CSMD1: variants seen among roughly 807,000 people sequenced by gnomAD.
CSMD1 encodes CUB and sushi domain-containing protein 1.
CSMD1 carries 213 observed loss-of-function variants against 417.5 expected under a neutral mutation model. The ratio of observed to expected loss-of-function variants is 0.51; its 90% CI spans 0.46 to 0.57. The LOEUF (loss-of-function observed/expected upper bound fraction) is 0.57. Among genes scored for constraint, CSMD1 ranks in the 20% least tolerant of loss-of-function variants. The pLI, the probability that CSMD1 is intolerant of heterozygous loss-of-function variation, is 0.00. For synonymous variants in CSMD1, 2,862 were observed against 1,736.8 expected (o/e 1.65, Z -16.11); for missense variants, 6,923 against 4,529.7 (o/e 1.53, Z -15.17).
chr8:3,900,702 C>G (rs1807689755), intron 5 of CSMD1, among the ~76,000 whole-genome samples: 3 of 151,978 alleles, frequency 2.0e-5, no homozygotes, highest in Admixed American at 1.3e-4. Context: ...GGCCCTGAAG[C>G]TGGATGACTG....
intron 49 of CSMD1, among the ~76,000 whole-genome samples, chr8:3,070,657 T>C (rs1410454006): frequency 6.6e-6 from 1 of 152,236 alleles, no homozygotes; most frequent in African/African-American, 2.4e-5. Flanking sequence ...TCATTGTTTA[T>C]ATCACCATTA....
At chr8:3,655,356 G>C (rs889345933) in intron 7 of CSMD1, among the ~76,000 whole-genome samples, 5 of 152,128 alleles carry the variant, frequency 3.3e-5, no homozygotes, top group Non-Finnish European at 7.3e-5. Context: ...TCCCTACAGC[G>C]AATTTGGCAG....
chr8:4,056,078 C>CTTTTTTTTTTTTTT (rs58415435), intron 3 of CSMD1, among the ~76,000 whole-genome samples: 1 of 97,842 alleles, frequency 1.0e-5, no homozygotes, highest in African/African-American at 3.9e-5. Flanking sequence ...TGGTGGCTTC[C>CTTTTTTTTTTTTTT]TTTTTTTTTT....
chr8:4,203,512 T>C (rs1215770173), intron 3 of CSMD1, among the ~76,000 whole-genome samples: 4 of 152,188 alleles, frequency 2.6e-5, no homozygotes, highest in African/African-American at 4.8e-5. Context: ...AACGGAAGAC[T>C]TTCTGTGAAT....
intron 1 of CSMD1, among the ~76,000 whole-genome samples, chr8:4,760,139 A>C (rs1201301468): frequency 6.6e-6 from 1 of 152,230 alleles, no homozygotes; most frequent in Non-Finnish European, 1.5e-5. Context: ...TTAATGGCTC[A>C]CACAGGATGT....
At chr8:4,130,301 G>A (rs903998277) in intron 3 of CSMD1, among the ~76,000 whole-genome samples, 3 of 152,026 alleles carry the variant, frequency 2.0e-5, no homozygotes, top group Non-Finnish European at 4.4e-5. Context: ...CTTTATTCTG[G>A]TATAATCCCC....
At chr8:4,466,830 G>C (rs1239757695) in intron 2 of CSMD1, among the ~76,000 whole-genome samples, 1 of 152,070 alleles carries the variant, frequency 6.6e-6, no homozygotes, top group Non-Finnish European at 1.5e-5. Flanking sequence ...TTTAAATTCA[G>C]AGAGCAGGGG....
chr8:3,547,748 A>C (rs1798736044), intron 10 of CSMD1, among the ~76,000 whole-genome samples: 1 of 152,210 alleles, frequency 6.6e-6, no homozygotes, highest in African/African-American at 2.4e-5. Context: ...TGAGCTAGTT[A>C]TCTAATAGAA....
chr8:4,712,927 C>T (rs527386006), intron 1 of CSMD1, among the ~76,000 whole-genome samples: 1 of 152,092 alleles, frequency 6.6e-6, no homozygotes, highest in Non-Finnish European at 1.5e-5. Flanking sequence ...GATTGACATA[C>T]AAGTCTCGCA....
chr8:4,501,438 A>T (rs533081182), intron 2 of CSMD1, among the ~76,000 whole-genome samples: 1 of 152,276 alleles, frequency 6.6e-6, no homozygotes, highest in South Asian at 2.1e-4. Context: ...GAAGAAGTCG[A>T]GGTGGATATT....
At chr8:3,634,428 C>A (rs141916578) in intron 7 of CSMD1, among the ~76,000 whole-genome samples, 1 of 152,174 alleles carries the variant, frequency 6.6e-6, no homozygotes, top group East Asian at 1.9e-4. Context: ...TGCGTGGGGT[C>A]ACACGTCATT....
At chr8:4,123,066 T>C (rs1585363398) in intron 3 of CSMD1, among the ~76,000 whole-genome samples, 2 of 152,338 alleles carry the variant, frequency 1.3e-5, no homozygotes, top group African/African-American at 2.4e-5. Context: ...TTAAAAGCTT[T>C]GATGCTTTCA....
intron 5 of CSMD1, among the ~76,000 whole-genome samples, chr8:3,939,094 T>A (rs1810699805): frequency 6.6e-6 from 1 of 152,124 alleles, no homozygotes; most frequent in Admixed American, 6.6e-5. Flanking sequence ...CTAAGATGCA[T>A]AAATTGTTGA....
At chr8:3,800,220 T>C (rs1455245104) in intron 5 of CSMD1, among the ~76,000 whole-genome samples, 5 of 152,130 alleles carry the variant, frequency 3.3e-5, no homozygotes, top group Non-Finnish European at 7.4e-5. Context: ...AACAAACTTA[T>C]TGATGATGAT....
intron 9 of CSMD1, among the ~76,000 whole-genome samples, chr8:3,585,800 C>G (rs980658273): frequency 6.6e-6 from 1 of 152,116 alleles, no homozygotes; most frequent in African/African-American, 2.4e-5. Flanking sequence ...GCGGGGTGCA[C>G]AGAAACCTTT....
At chr8:4,173,096 G>T (rs1382811166) in intron 3 of CSMD1, among the ~76,000 whole-genome samples, 2 of 152,148 alleles carry the variant, frequency 1.3e-5, no homozygotes, top group Non-Finnish European at 2.9e-5. Flanking sequence ...GGGAAAGGTT[G>T]TATGAACCAC....
chr8:4,822,355 A>G (rs1799570954), intron 1 of CSMD1, among the ~76,000 whole-genome samples: 1 of 152,142 alleles, frequency 6.6e-6, no homozygotes, highest in Non-Finnish European at 1.5e-5. Flanking sequence ...TAGAGAGGAC[A>G]AAAATGTGTT....
intron 7 of CSMD1, among the ~76,000 whole-genome samples, chr8:3,689,229 C>G (rs770177693): frequency 2.0e-5 from 3 of 152,188 alleles, no homozygotes; most frequent in Admixed American, 6.5e-5. Context: ...CACCTTCTAA[C>G]TTATCCACAG....
At chr8:3,099,165 A>T (rs1225464248) in intron 46 of CSMD1, among the ~76,000 whole-genome samples, 1 of 152,240 alleles carries the variant, frequency 6.6e-6, no homozygotes, top group East Asian at 1.9e-4. Context: ...GACTTCACTC[A>T]TCAGACCTTA....
Sources: gnomAD v4.1 joint callset for allele counts (sites outside exome capture counted in the v4.1 genomes callset) on GRCh38, gnomAD v4.1.1 for gene constraint, MANE v1.5 for transcripts, NCBI Gene and HGNC (gene_info 2026-07-23, HGNC 2026-07-21) for gene names.